The following TSC22D1 variants were observed in gnomAD, a reference collection of about 807,000 sequenced individuals.
The protein encoded by TSC22D1 is TSC22 domain family member 1.
TSC22D1 carries 9 observed loss-of-function variants against 74.2 expected under a neutral mutation model. That is an observed-to-expected ratio of 0.12 (90% CI 0.07 to 0.21). The LOEUF is 0.21. Among genes scored for constraint, TSC22D1 ranks in the 10% least tolerant of loss-of-function variants. The probability of loss-of-function intolerance (pLI) is 1.00; values close to 1 mark genes in which losing one functional copy is unlikely to be tolerated. For synonymous variants in TSC22D1, 586 were observed against 492.5 expected, an observed-to-expected ratio of 1.19 and a Z score of -2.51; for missense variants, 1,427 against 1,304.7, an observed-to-expected ratio of 1.09 and a Z score of -1.44.
At chr13:44,544,749 A>G (rs1278433087) in intron 1 of TSC22D1, among the ~76,000 whole-genome samples, 1 of 152,160 alleles carries the variant, frequency 6.6e-6, no homozygotes, top group Non-Finnish European at 1.5e-5. Flanking sequence ...AACCTTTTGG[A>G]AAATATACCA....
At chr13:44,569,050 GA>G (rs1883569668) in intron 1 of TSC22D1, among the ~76,000 whole-genome samples, 1 of 152,110 alleles carries the variant, frequency 6.6e-6, no homozygotes, top group African/African-American at 2.4e-5. Context: ...AGTTAATACA[GA>G]CAAAAAGAAA....
In TSC22D1 at chr13:44,432,864, AG is replaced by A. The variant is rs2138833586; in HGVS notation, c.*1761del. On this transcript the variant is annotated 3_prime_UTR_variant, in exon 3 of 3. Transcript: ENST00000458659. Reference sequence around the variant, plus strand: ...CTCCTACTGCAGAGTGGGATCCCTCAGGCTCACTCCTCAGGTGCCAGGGGCC... The same window carrying A: ...CTCCTACTGCAGAGTGGGATCCCTCAGCTCACTCCTCAGGTGCCAGGGGCC... 6.6e-6 allele frequency: 1 copy of A among 152,264 alleles called. No individual in the cohort carries two copies. Among genetic ancestry groups the A allele is most frequent in the African/African-American group, 2.4e-5 (1 of 41,540 alleles). The allele number at this position is 152,264 out of a possible 1,614,324, so 9.4% of individuals were successfully genotyped here.
intron 1 of TSC22D1, among the ~76,000 whole-genome samples, chr13:44,551,339 G>A (rs1376096187): frequency 6.7e-6 from 1 of 149,160 alleles, no homozygotes; most frequent in Non-Finnish European, 1.5e-5. Flanking sequence ...GTGTGTGTGT[G>A]TGACCCTGTC....
At position 44,570,075 on chromosome 13, in the gene TSC22D1, C is replaced by T. The variant is rs147430361; in HGVS notation, c.2912+3088G>A. On this transcript the variant is annotated intron_variant, in intron 1 of 2. Transcript: ENST00000458659. Reference sequence around the variant, plus strand: ...ATGAATAGAAGTTTGACCCATTTCACGTTAAGAGGCTGTGCTAATAACAAT... The same window carrying T: ...ATGAATAGAAGTTTGACCCATTTCATGTTAAGAGGCTGTGCTAATAACAAT... Among the ~76,000 whole-genome samples, 356 of 152,132 alleles carry T rather than the reference C, an allele frequency of 2.3e-3. 1 individual carries two copies. Among genetic ancestry groups the T allele is most frequent in the Middle Eastern group, 6.8e-3 (2 of 294 alleles).
At chr13:44,513,104 G>A (rs1054652566) in intron 1 of TSC22D1, among the ~76,000 whole-genome samples, 6 of 152,182 alleles carry the variant, frequency 3.9e-5, no homozygotes, top group Non-Finnish European at 7.3e-5. Context: ...CCTCAGGAAG[G>A]TCTTGCCCAT....
intron 1 of TSC22D1, among the ~76,000 whole-genome samples, chr13:44,465,175 G>A (rs907939328): frequency 6.6e-6 from 1 of 152,140 alleles, no homozygotes; most frequent in Non-Finnish European, 1.5e-5. Context: ...TACTAGGACA[G>A]TATGTAACAC....
intron 1 of TSC22D1, among the ~76,000 whole-genome samples, chr13:44,507,116 G>T (rs1194651097): frequency 6.6e-6 from 1 of 152,204 alleles, no homozygotes; most frequent in African/African-American, 2.4e-5. Flanking sequence ...CCAGGTTGAA[G>T]ATAAAGATTT....
At position 44,475,495 on chromosome 13, in the gene TSC22D1, TAA is replaced by T. The variant is rs1276831103; in HGVS notation, c.2913-39402_2913-39401del. ...AAAAAAAAAAATTCAAGAAAGGAGA[TAA>T]AGACAACAGCAAAAACTGTTAAAAT... On this transcript the variant is annotated intron_variant, in intron 1 of 2. Coordinates refer to ENST00000458659, the MANE Select transcript of TSC22D1 (RefSeq NM_183422.4). Among the ~76,000 whole-genome samples, 5 of 141,440 alleles carry T rather than the reference TAA, an allele frequency of 3.5e-5. No individual in the cohort carries two copies. In the East Asian group the frequency reaches 1.0e-3, roughly 29 times the overall value. 92.8% of individuals were successfully genotyped at this position (141,440 alleles called of 152,430 possible). A position where few individuals can be genotyped will look rare whatever the true frequency, so the allele number is the denominator to read the frequency against.
At chr13:44,484,963 T>C (rs1878358494) in intron 1 of TSC22D1, among the ~76,000 whole-genome samples, 1 of 152,216 alleles carries the variant, frequency 6.6e-6, no homozygotes, top group South Asian at 2.1e-4. Context: ...GATTTCCTCA[T>C]TTACAAAATG....
At chr13:44,546,455 T>G (rs1881832002) in intron 1 of TSC22D1, among the ~76,000 whole-genome samples, 1 of 152,122 alleles carries the variant, frequency 6.6e-6, no homozygotes, top group Admixed American at 6.5e-5. Flanking sequence ...ACGCACAGAT[T>G]AAGGACCAAT....
chr13:44,528,410 A>C (rs1469901219), intron 1 of TSC22D1, among the ~76,000 whole-genome samples: 4 of 152,136 alleles, frequency 2.6e-5, no homozygotes, highest in African/African-American at 9.6e-5. Context: ...GCAAACCCAC[A>C]AAATACTTAG....
At chr13:44,509,637 CCATT>C (rs747257408) in intron 1 of TSC22D1, among the ~76,000 whole-genome samples, 7 of 152,014 alleles carry the variant, frequency 4.6e-5, no homozygotes, top group Non-Finnish European at 1.0e-4. Flanking sequence ...GAGACTCCAT[CCATT>C]ATTTTATACA....
chr13:44,538,037 C>T (rs189740705), intron 1 of TSC22D1: 4 of 985,270 alleles, frequency 4.1e-6, no homozygotes, highest in Middle Eastern at 5.2e-4. Flanking sequence ...TTGATAACTA[C>T]TTCAATCAAT....
chr13:44,549,288 T>C (rs2138137958), intron 1 of TSC22D1, among the ~76,000 whole-genome samples: 1 of 152,324 alleles, frequency 6.6e-6, no homozygotes, highest in East Asian at 1.9e-4. Context: ...TTTCCAATTC[T>C]TTATCAATAA....
intron 1 of TSC22D1, among the ~76,000 whole-genome samples, chr13:44,496,517 T>C (rs1187671790): frequency 6.6e-6 from 1 of 151,984 alleles, no homozygotes; most frequent in Non-Finnish European, 1.5e-5. Flanking sequence ...ACCCCATCTC[T>C]ACTAAAAATA....
intron 1 of TSC22D1, among the ~76,000 whole-genome samples, chr13:44,509,605 A>G (rs1451021538): frequency 6.6e-6 from 1 of 152,150 alleles, no homozygotes; most frequent in East Asian, 1.9e-4. Flanking sequence ...GTGCCACTGC[A>G]CTCCAGCCTG....
chr13:44,534,902 C>A (rs1359231387), intron 1 of TSC22D1, among the ~76,000 whole-genome samples: 1 of 152,130 alleles, frequency 6.6e-6, no homozygotes, highest in Non-Finnish European at 1.5e-5. Flanking sequence ...AATATATACT[C>A]AACTTACCAA....
chr13:44,577,299 A>C (rs1404312218), upstream of TSC22D1: 2 of 152,324 alleles, frequency 1.3e-5, no homozygotes, highest in Non-Finnish European at 2.9e-5. Flanking sequence ...CCCCGGCTCC[A>C]CCGTATCCCC....
chr13:44,490,485 ATAAT>A (rs970419138), intron 1 of TSC22D1, among the ~76,000 whole-genome samples: 7 of 152,020 alleles, frequency 4.6e-5, no homozygotes, highest in Non-Finnish European at 8.8e-5. Context: ...ATAATTCTGA[ATAAT>A]TAAAGATATA....
Sources: gnomAD v4.1 joint callset for allele counts (sites outside exome capture counted in the v4.1 genomes callset) on GRCh38, gnomAD v4.1.1 for gene constraint, MANE v1.5 for transcripts, NCBI Gene and HGNC (gene_info 2026-07-23, HGNC 2026-07-21) for gene names.